SCAF11: variants seen among roughly 807,000 people sequenced by gnomAD.
SCAF11 encodes the protein protein SCAF11.
SCAF11 carries 47 observed loss-of-function variants against 140.5 expected under a neutral mutation model. That is an observed-to-expected ratio of 0.33 (90% CI 0.26 to 0.43). The LOEUF (loss-of-function observed/expected upper bound fraction) is 0.43. Among genes scored for constraint, SCAF11 ranks in the 20% least tolerant of loss-of-function variants. The probability of loss-of-function intolerance (pLI) is 1.00; values close to 1 mark genes in which losing one functional copy is unlikely to be tolerated. For missense variants in SCAF11, 1,645 were observed against 1,705.1 expected, an observed-to-expected ratio of 0.96 and a Z score of 0.62; for synonymous variants, 557 against 579.4, an observed-to-expected ratio of 0.96 and a Z score of 0.55.
chr12:45,945,863 ATT>A (rs779296899), intron 5 of SCAF11, among the ~76,000 whole-genome samples: 1 of 150,926 alleles, frequency 6.6e-6, no homozygotes. Context: ...TCTTATTATT[ATT>A]TTTTTTACTA....
At chr12:45,984,095 A>G (rs1946407294) in intron 1 of SCAF11, among the ~76,000 whole-genome samples, 1 of 152,340 alleles carries the variant, frequency 6.6e-6, no homozygotes, top group South Asian at 2.1e-4. Flanking sequence ...GTTAGTGAGC[A>G]AAATGCTCAT....
intron 3 of SCAF11, among the ~76,000 whole-genome samples, chr12:45,954,244 T>C (rs879506717): frequency 6.6e-6 from 1 of 152,168 alleles, no homozygotes; most frequent in Non-Finnish European, 1.5e-5. Flanking sequence ...ATTTTTTTTA[T>C]TTTTTGAGAC....
At chr12:45,967,889 C>A (rs17096380) in intron 1 of SCAF11, among the ~76,000 whole-genome samples, 36,133 of 152,074 alleles carry the variant, frequency 0.24, 4,941 homozygotes, top group East Asian at 0.41. Flanking sequence ...TGCCTGGACT[C>A]CAGTTTTCAA....
At position 45,948,483 on chromosome 12, in the gene SCAF11, A is replaced by G. The variant is rs770456141; in HGVS notation, c.352T>C (p.Phe118Leu). Residue 118 changes from phenylalanine to leucine, a missense_variant, in exon 5 of 15, where the codon TTT becomes CTT. Phe to Leu is a conservative substitution (Grantham distance 22). This residue lies in a region of SCAF11 where 1,582 missense variants were observed against 1,609.2 expected (regional missense o/e 0.98). Coordinates refer to ENST00000369367, the MANE Select transcript of SCAF11 (RefSeq NM_004719.3). ...TCATGACAGGAGACCTGTTTCTCAA[A>G]TGAGTTTTCATTTTTCTTGTCTTTT... The part of the protein sequence containing the change: ...ETKDKKNENS[F>L]EKQVSCHENS... 1.9e-6 allele frequency: 3 copies of G among 1,612,018 alleles called. No homozygotes were observed. The highest frequency in any genetic ancestry group is 2.2e-5 in the South Asian group (2 of 90,834).
intron 1 of SCAF11, chr12:45,975,324 T>C (rs1030614508): frequency 6.6e-6 from 1 of 152,260 alleles, no homozygotes; most frequent in African/African-American, 2.4e-5. Context: ...AGGCATTGAC[T>C]TCTCCTCTCT....
rs1944728117 is a variant in SCAF11, at chr12:45,922,090, T to C, written c.4350A>G (p.Lys1450=). The C allele has an allele frequency of 6.2e-7, 1 of 1,613,838 alleles. No individual in the cohort carries two copies. The highest frequency in any genetic ancestry group is 1.3e-5 in the African/African-American group (1 of 75,004). The part of the protein sequence containing the change: ...YKYSRKGSQK[K]TLEEPVSTEK... ...CAGTAGACACAGGTTCTTCCAGAGTTTTCTTTTGGCTCCCCTTCCGTGAAT... is the reference window on the plus strand; with the variant it reads ...CAGTAGACACAGGTTCTTCCAGAGTCTTCTTTTGGCTCCCCTTCCGTGAAT... The change falls in exon 15 of 15, where the codon AAA becomes AAG. Residue 1450 remains lysine (K), a synonymous_variant. Transcript: ENST00000369367.
chr12:45,961,581 T>C (rs1349460368), intron 3 of SCAF11, 119 bp downstream of exon 3: 1 of 831,372 alleles, frequency 1.2e-6, no homozygotes, highest in Non-Finnish European at 1.8e-6. Context: ...ACAAGGAAAT[T>C]TGTCCAAAGT....
Position 45,922,453 on chromosome 12 carries a change from C to A in SCAF11, c.4245+10G>T, listed in dbSNP as rs759454382. The A allele has an allele frequency of 5.0e-6, 8 of 1,598,878 alleles. No individual in the cohort carries two copies. The highest frequency in any genetic ancestry group is 6.8e-6 in the Non-Finnish European group (8 of 1,177,212). ...CAACGTGCACATACTCCACTAAAGCCATAACTTACTTTATCTACTGCTTTC... is the reference window on the plus strand; with the variant it reads ...CAACGTGCACATACTCCACTAAAGCAATAACTTACTTTATCTACTGCTTTC... On this transcript the variant is annotated intron_variant, in intron 14 of 14. Coordinates refer to ENST00000369367, the MANE Select transcript of SCAF11 (RefSeq NM_004719.3).
intron 1 of SCAF11, among the ~76,000 whole-genome samples, chr12:45,967,717 A>G (rs1352499241): frequency 6.6e-6 from 1 of 152,234 alleles, no homozygotes; most frequent in Non-Finnish European, 1.5e-5. Flanking sequence ...TTATTCCTTA[A>G]CATGTCCTCT....
Position 45,964,143 on chromosome 12 carries a change from G to T in SCAF11, c.25C>A (p.Leu9Ile). The T allele has an allele frequency of 6.5e-7, 1 of 1,534,782 alleles. No individual in the cohort carries two copies. Among genetic ancestry groups the T allele is most frequent in the Non-Finnish European group, 9.0e-7 (1 of 1,114,722 alleles). The change falls in exon 2 of 15, where the codon CTA becomes ATA. Residue 9 changes from leucine (L) to isoleucine (I), a missense_variant. Physicochemically the swap from Leu to Ile is conservative, Grantham distance 5. This residue lies in a region of SCAF11 where 1,582 missense variants were observed against 1,609.2 expected (regional missense o/e 0.98). Coordinates refer to ENST00000369367, the MANE Select transcript of SCAF11 (RefSeq NM_004719.3). MKKKTVCTLNMGDKKYEDM... is the reference protein window; with the variant it reads MKKKTVCTINMGDKKYEDM... ...TCATACTTCTTATCTCCCATATTTA[G>T]GGTACATACAGTTTTCTTCTTCATT...
chr12:45,933,337 G>C (rs939387008), intron 8 of SCAF11, 105 bp from the exon 9 acceptor site: 6 of 625,106 alleles, frequency 9.6e-6, no homozygotes, highest in Non-Finnish European at 1.7e-5. Flanking sequence ...CTGGCATTAT[G>C]AATCACACTT....
chr12:45,964,542 CTGT>C (rs1190815669), intron 1 of SCAF11, among the ~76,000 whole-genome samples: 55 of 152,164 alleles, frequency 3.6e-4, no homozygotes, highest in African/African-American at 1.3e-3. Flanking sequence ...TGGCAGGTGC[CTGT>C]AGTCCCAGCT....
chr12:45,976,283 C>T (rs932956718), intron 1 of SCAF11, among the ~76,000 whole-genome samples: 2 of 152,130 alleles, frequency 1.3e-5, no homozygotes, highest in Admixed American at 6.5e-5. Flanking sequence ...CGTCTTGTGT[C>T]GTTCCACCTT....
In SCAF11 at chr12:45,934,245, T is replaced by A; in HGVS notation, c.563A>T (p.Asn188Ile). The change falls in exon 8 of 15, where the codon AAT (asparagine) becomes ATT (isoleucine). Residue 188 changes from asparagine to isoleucine, a missense_variant. Physicochemically the swap from Asn to Ile is moderately radical, Grantham distance 149. This residue lies in a region of SCAF11 where 1,582 missense variants were observed against 1,609.2 expected (regional missense o/e 0.98). Coordinates refer to ENST00000369367, the MANE Select transcript of SCAF11 (RefSeq NM_004719.3). ...SNWSTNQCFR[N>I]FFSNMFSSVS... ...AGAAGAAAACATATTGGAGAAAAAA[T>A]TTCTGAAGCACTGATTTGTACTCCA... 6.2e-7 allele frequency: 1 copy of A among 1,611,836 alleles called. No individual in the cohort carries two copies. The highest frequency in any genetic ancestry group is 8.5e-7 in the Non-Finnish European group (1 of 1,178,716).
At chr12:45,958,717 T>C (rs534879337) in intron 3 of SCAF11, among the ~76,000 whole-genome samples, 59 of 152,318 alleles carry the variant, frequency 3.9e-4, no homozygotes, top group Non-Finnish European at 6.5e-4. Flanking sequence ...CTATGGGCCA[T>C]GAAGGCTACC....
At position 45,920,980 on chromosome 12, in the gene SCAF11, CTTTT is replaced by C. The variant is rs932388620; in HGVS notation, c.*1064_*1067del. Reference sequence around the variant, plus strand: ...GAACATAATTTCTACAAAGTCAACACTTTTTTTTTTCTTTTTTTTGAGACGGAGA... The same window carrying C: ...GAACATAATTTCTACAAAGTCAACACTTTTTTCTTTTTTTTGAGACGGAGA... On this transcript the variant is annotated 3_prime_UTR_variant, in exon 15 of 15. Coordinates refer to ENST00000369367, the MANE Select transcript of SCAF11 (RefSeq NM_004719.3). The C allele has an allele frequency of 6.7e-6, 1 of 149,558 alleles. No individual in the cohort carries two copies. The highest frequency in any genetic ancestry group is 1.5e-5 in the Non-Finnish European group (1 of 67,114). 9.3% of individuals were successfully genotyped at this position (149,558 alleles called of 1,614,324 possible).
chr12:45,976,427 A>T (rs993527902), intron 1 of SCAF11, among the ~76,000 whole-genome samples: 3 of 152,126 alleles, frequency 2.0e-5, no homozygotes, highest in African/African-American at 7.2e-5. Flanking sequence ...CTAATTTATA[A>T]GTTAAACTTT....
chr12:45,978,091 T>C (rs1366748547), intron 1 of SCAF11, among the ~76,000 whole-genome samples: 1 of 152,206 alleles, frequency 6.6e-6, no homozygotes, highest in Non-Finnish European at 1.5e-5. Context: ...GTGCCTTTTA[T>C]GTGCCTGGAT....
At chr12:45,970,555 T>C (rs1316280718) in intron 1 of SCAF11, among the ~76,000 whole-genome samples, 4 of 152,260 alleles carry the variant, frequency 2.6e-5, no homozygotes, top group African/African-American at 9.6e-5. Flanking sequence ...GGCACACTTA[T>C]GCCAAGGGCA....
Sources: allele counts gnomAD v4.1 joint callset (sites outside exome capture counted in the v4.1 genomes callset), GRCh38; gene constraint gnomAD v4.1.1; regional missense constraint gnomAD v4.1.1; transcripts MANE v1.5; gene names NCBI Gene and HGNC (gene_info 2026-07-23, HGNC 2026-07-21).